FRMD5: variants seen among roughly 807,000 people sequenced by gnomAD.
FRMD5 encodes FERM domain-containing protein 5.
In FRMD5, 20 loss-of-function variants were observed where a neutral mutation model predicts 69.0. The ratio of observed to expected loss-of-function variants is 0.29; its 90% confidence interval spans 0.20 to 0.42. FRMD5 has a LOEUF of 0.42. FRMD5 is among the 10% of genes least tolerant of loss of function. The pLI, the probability that FRMD5 is intolerant of heterozygous loss-of-function variation, is 1.00. For missense variants in FRMD5, 595 were observed against 708.6 expected, an observed-to-expected ratio of 0.84 and a Z score of 1.82; for synonymous variants, 271 against 260.1, an observed-to-expected ratio of 1.04 and a Z score of -0.40.
At chr15:44,013,038 T>C (rs1890794510) in intron 1 of FRMD5, among the ~76,000 whole-genome samples, 1 of 152,188 alleles carries the variant, frequency 6.6e-6, no homozygotes, top group South Asian at 2.1e-4. Flanking sequence ...AGTGCTGGGA[T>C]TACAGGTGTG....
intron 13 of FRMD5, chr15:43,879,530 G>A (rs1050824214): frequency 3.8e-5 from 15 of 398,912 alleles, no homozygotes; most frequent in African/African-American, 8.2e-5. Context: ...TCCCTTGCCC[G>A]GGGGTCACAG....
intron 7 of FRMD5, among the ~76,000 whole-genome samples, chr15:43,901,662 G>A (rs765206461): frequency 1.3e-5 from 2 of 152,220 alleles, no homozygotes; most frequent in South Asian, 4.1e-4. Flanking sequence ...AGATGTGCAT[G>A]AGTAATTACA....
chr15:43,893,628 G>A (rs1358165128), intron 7 of FRMD5, among the ~76,000 whole-genome samples: 3 of 152,224 alleles, frequency 2.0e-5, no homozygotes, highest in Non-Finnish European at 4.4e-5. Flanking sequence ...GCCTGCAGGA[G>A]AGTCTTCTGG....
intron 1 of FRMD5, among the ~76,000 whole-genome samples, chr15:44,143,921 C>T (rs1475293580): frequency 5.7e-5 from 1 of 17,502 alleles, no homozygotes; most frequent in Non-Finnish European, 4.3e-4. Flanking sequence ...GAGACTCTGT[C>T]ACCAAAAAAA....
intron 1 of FRMD5, among the ~76,000 whole-genome samples, chr15:44,051,765 G>A (rs944107450): frequency 1.3e-5 from 2 of 152,058 alleles, no homozygotes; most frequent in African/African-American, 4.8e-5. Flanking sequence ...ATGTCTCTCA[G>A]TGGGGATTTG....
At chr15:44,063,685 A>T in intron 1 of FRMD5, 1 of 386,934 alleles carries the variant, frequency 2.6e-6, no homozygotes, top group Admixed American at 3.0e-5. Context: ...GTTCCACAGC[A>T]TCATCAAGCC....
At chr15:44,168,775 T>C (rs1416752011) in intron 1 of FRMD5, among the ~76,000 whole-genome samples, 1 of 152,236 alleles carries the variant, frequency 6.6e-6, no homozygotes, top group Non-Finnish European at 1.5e-5. Flanking sequence ...ATTTTGTTTA[T>C]TTCATTTCTA....
chr15:43,874,267 A>G lies in FRMD5; in HGVS notation c.1331T>C (p.Leu444Ser), dbSNP rs1392797392. The G allele has an allele frequency of 6.2e-7, 1 of 1,614,108 alleles. No individual in the cohort carries two copies. The highest frequency in any genetic ancestry group is 1.7e-5 in the Admixed American group (1 of 60,008). ...PVAEHSLELM[L>S]LSRQINGATC... The stretch of plus-strand genomic sequence containing the variant: ...GGCTCCATTGATCTGCCGGGAAAGC[A>G]ACATCAGCTCCAGGCTGTGCTCAGC... The change falls in exon 14 of 14, where the codon TTG (leucine) becomes TCG (serine). Residue 444 changes from leucine (L) to serine (S), a missense_variant. Leu to Ser is a moderately radical substitution (Grantham distance 145). This residue lies in a region of FRMD5 where 245 missense variants were observed against 227.1 expected (regional missense o/e 1.08). Coordinates refer to ENST00000417257, the MANE Select transcript of FRMD5 (RefSeq NM_032892.5).
chr15:44,039,398 C>T (rs1566913774), intron 1 of FRMD5, among the ~76,000 whole-genome samples: 1 of 152,190 alleles, frequency 6.6e-6, no homozygotes, highest in African/African-American at 2.4e-5. Flanking sequence ...CCAGTAGGGG[C>T]CAACAGACAT....
At chr15:44,065,641 A>T (rs1296233494) in intron 1 of FRMD5, among the ~76,000 whole-genome samples, 1 of 152,110 alleles carries the variant, frequency 6.6e-6, no homozygotes, top group South Asian at 2.1e-4. Flanking sequence ...TTTGGTCATG[A>T]TATTGATTTC....
At chr15:43,895,915 C>A (rs1383873707) in intron 7 of FRMD5, among the ~76,000 whole-genome samples, 1 of 152,208 alleles carries the variant, frequency 6.6e-6, no homozygotes, top group Non-Finnish European at 1.5e-5. Context: ...TGTTGTGAGC[C>A]TGCCGTTGGA....
chr15:44,077,551 A>G (rs1893820682), intron 1 of FRMD5, among the ~76,000 whole-genome samples: 1 of 152,134 alleles, frequency 6.6e-6, no homozygotes, highest in South Asian at 2.1e-4. Flanking sequence ...TTGATAATTC[A>G]AATAAATACA....
intron 1 of FRMD5, among the ~76,000 whole-genome samples, chr15:43,976,307 T>A (rs1279962605): frequency 6.6e-6 from 1 of 152,170 alleles, no homozygotes; most frequent in East Asian, 1.9e-4. Flanking sequence ...TTATCAAAAT[T>A]TAAAACTGCT....
chr15:44,021,615 G>A (rs1339611620), intron 1 of FRMD5, among the ~76,000 whole-genome samples: 2 of 152,138 alleles, frequency 1.3e-5, no homozygotes, highest in African/African-American at 4.8e-5. Flanking sequence ...GTACTACTTT[G>A]CATCTACTAG....
At chr15:43,997,133 C>T (rs1165600657) in intron 1 of FRMD5, among the ~76,000 whole-genome samples, 1 of 152,034 alleles carries the variant, frequency 6.6e-6, no homozygotes, top group African/African-American at 2.4e-5. Context: ...CACAGGGGAC[C>T]TACCTTAACA....
At chr15:44,105,201 T>C in intron 1 of FRMD5, among the ~76,000 whole-genome samples, 1 of 151,836 alleles carries the variant, frequency 6.6e-6, no homozygotes, top group East Asian at 1.9e-4. Context: ...CTCAGCCTCT[T>C]GAGTAGCTGG....
At chr15:44,151,856 A>G (rs2077452262) in intron 1 of FRMD5, among the ~76,000 whole-genome samples, 1 of 152,238 alleles carries the variant, frequency 6.6e-6, no homozygotes, top group South Asian at 2.1e-4. Context: ...ATAAGCGATT[A>G]ATGTCCGGAA....
chr15:44,190,712 TAA>T (rs1043150153), intron 1 of FRMD5, among the ~76,000 whole-genome samples: 17 of 152,226 alleles, frequency 1.1e-4, no homozygotes, highest in African/African-American at 3.9e-4. Context: ...ATTAAAACTA[TAA>T]AGAGTTATAC....
At chr15:44,082,388 C>G (rs1009147774) in intron 1 of FRMD5, among the ~76,000 whole-genome samples, 2 of 151,942 alleles carry the variant, frequency 1.3e-5, no homozygotes, top group African/African-American at 4.8e-5. Flanking sequence ...GCTAGGTCAG[C>G]CAGTATTCTT....
Sources: gnomAD v4.1 joint callset for allele counts (sites outside exome capture counted in the v4.1 genomes callset) on GRCh38, gnomAD v4.1.1 for gene constraint, gnomAD v4.1.1 regional missense constraint, MANE v1.5 for transcripts, NCBI Gene and HGNC (gene_info 2026-07-23, HGNC 2026-07-21) for gene names.